The following CUL2 variants were observed in gnomAD, a reference collection of about 807,000 sequenced individuals.
The protein encoded by CUL2 is cullin-2.
CUL2 carries 22 observed loss-of-function variants against 110.2 expected under a neutral mutation model. The ratio of observed to expected loss-of-function variants is 0.20; its 90% CI spans 0.14 to 0.28. CUL2 has a LOEUF of 0.28. CUL2 is among the 10% of genes least tolerant of loss of function. The pLI, the probability that CUL2 is intolerant of heterozygous loss-of-function variation, is 1.00. For missense variants in CUL2, 631 were observed against 905.5 expected (o/e 0.70, Z 3.89); for synonymous variants, 279 against 293.2 (o/e 0.95, Z 0.49).
In CUL2 at chr10:35,029,603, C is replaced by T. The variant is rs750318468; in HGVS notation, c.1424G>A (p.Arg475Gln). 1.9e-6 allele frequency: 3 copies of T among 1,590,340 alleles called. No homozygotes were observed. Among genetic ancestry groups the T allele is most frequent in the South Asian group, 1.2e-5 (1 of 85,922 alleles). Residue 475 changes from arginine (R) to glutamine (Q), a missense_variant, in exon 15 of 21, where the codon CGG becomes CAG. Arg to Gln is a conservative substitution (Grantham distance 43, BLOSUM62 1). Transcript: ENST00000374749. ...GCTGACACTCATATCTGTATACATC[C>T]GATGTAGCTTGCTGGTAAACTCATA... Reference protein sequence around the residue: ...CGYEFTSKLHRMYTDMSVSAD... With the variant: ...CGYEFTSKLHQMYTDMSVSAD...
intron 2 of CUL2, among the ~76,000 whole-genome samples, chr10:35,098,768 T>TA (rs974345834): frequency 1.1e-4 from 16 of 150,932 alleles, no homozygotes; most frequent in South Asian, 2.1e-4. Flanking sequence ...CCATCTCTAC[T>TA]AAAAAAAACC....
chr10:35,051,058 G>A (rs1589002599), intron 5 of CUL2, among the ~76,000 whole-genome samples: 1 of 152,350 alleles, frequency 6.6e-6, no homozygotes, highest in Non-Finnish European at 1.5e-5. Context: ...GCTCACGCCT[G>A]TAATCCCAGC....
rs1010665094 is a variant in CUL2, at chr10:35,060,722, A to G, written c.317+152T>C. ...AATACCCACCTTACCCTGACTATAG[A>G]CCTTTCCCCACAGCAGAGAAAAGTC... On this transcript the variant is annotated intron_variant, in intron 4 of 20. Coordinates refer to ENST00000374749, the MANE Select transcript of CUL2 (RefSeq NM_003591.4). 6.3e-6 allele frequency: 4 copies of G among 630,730 alleles called. No homozygotes were observed. In the African/African-American group the frequency reaches 7.5e-5, roughly 12 times the overall value. 39.1% of individuals were successfully genotyped at this position (630,730 alleles called of 1,614,324 possible). A position where few individuals can be genotyped will look rare whatever the true frequency, so the allele number is the denominator to read the frequency against.
chr10:35,063,064 T>C lies in CUL2; in HGVS notation c.120-2A>G, dbSNP rs1369866388. 2 of 1,446,782 alleles carry C rather than the reference T, an allele frequency of 1.4e-6. No individual in the cohort carries two copies. The highest frequency in any genetic ancestry group is 1.4e-5 in the African/African-American group (1 of 70,902). 89.6% of individuals were successfully genotyped at this position (1,446,782 alleles called of 1,614,324 possible). On this transcript the variant is annotated splice_acceptor_variant, in intron 2 of 20. Transcript: ENST00000374749. LOFTEE classifies it high-confidence loss of function. ...GCCACACATAAAGCATAGATATCTC[T>C]AGTTAAATTATTAAGGTTTTCATAT...
chr10:35,042,469 A>T (rs1275555640), intron 8 of CUL2, among the ~76,000 whole-genome samples: 2 of 152,146 alleles, frequency 1.3e-5, no homozygotes, highest in Non-Finnish European at 2.9e-5. Context: ...GGTCTCAGGA[A>T]ACAGAATTTC....
At chr10:35,106,432 G>C (rs781024304) in intron 1 of CUL2, among the ~76,000 whole-genome samples, 2 of 151,564 alleles carry the variant, frequency 1.3e-5, no homozygotes, top group Non-Finnish European at 2.9e-5. Context: ...CCATTCTCCT[G>C]CCTCAGCGTC....
intron 1 of CUL2, among the ~76,000 whole-genome samples, chr10:35,102,458 G>C (rs757703473): frequency 4.0e-5 from 6 of 151,750 alleles, no homozygotes; most frequent in Non-Finnish European, 7.4e-5. Context: ...TGTAATTCCA[G>C]CTACTTGGGA....
chr10:35,092,437 G>A (rs2087225508), upstream of CUL2, among the ~76,000 whole-genome samples: 1 of 152,198 alleles, frequency 6.6e-6, no homozygotes, highest in African/African-American at 2.4e-5. Context: ...GAATATCCTG[G>A]ATGAAGCGGA....
chr10:35,081,048 TA>T (rs1046248027), intron 1 of CUL2, among the ~76,000 whole-genome samples: 2 of 151,006 alleles, frequency 1.3e-5, no homozygotes, highest in East Asian at 1.9e-4. Flanking sequence ...ACCTGGTCTT[TA>T]AAAAAAAATA....
intron 1 of CUL2, among the ~76,000 whole-genome samples, chr10:35,082,750 TA>T (rs2135047382): frequency 6.6e-6 from 1 of 152,300 alleles, no homozygotes; most frequent in South Asian, 2.1e-4. Context: ...TTTTATCAAA[TA>T]AAAGAGAAAT....
At chr10:35,124,756 T>C (rs2087719733) in intron 1 of CUL2, among the ~76,000 whole-genome samples, 1 of 152,096 alleles carries the variant, frequency 6.6e-6, no homozygotes, top group Admixed American at 6.5e-5. Context: ...TTGAGCAAGA[T>C]CTGATATGGG....
At chr10:35,104,975 C>A (rs375909482) in intron 1 of CUL2, among the ~76,000 whole-genome samples, 85 of 151,832 alleles carry the variant, frequency 5.6e-4, no homozygotes, top group Middle Eastern at 3.4e-3. Flanking sequence ...ATGATCCACC[C>A]GCCTGGGCCT....
intron 1 of CUL2, among the ~76,000 whole-genome samples, chr10:35,081,601 A>G (rs1180203357): frequency 6.6e-6 from 1 of 152,198 alleles, no homozygotes; most frequent in African/African-American, 2.4e-5. Context: ...AACATTGAGA[A>G]CAAATTTTTT....
rs774822085 is a variant in CUL2 at position 35,071,357 on chromosome 10, A to T, written c.-22-18T>A. ...GTTGAAATCTGTCAATTAAAAAACA[A>T]TAACAATGTTAGCAATAATTCCATG... On this transcript the variant is annotated intron_variant, in intron 1 of 20. Coordinates refer to ENST00000374749, the MANE Select transcript of CUL2 (RefSeq NM_003591.4). 8.2e-6 allele frequency: 13 copies of T among 1,592,132 alleles called. No individual in the cohort carries two copies. Among genetic ancestry groups the T allele is most frequent in the Non-Finnish European group, 1.1e-5 (13 of 1,164,184 alleles).
intron 1 of CUL2, among the ~76,000 whole-genome samples, chr10:35,074,890 C>T (rs1282241198): frequency 6.6e-6 from 1 of 152,196 alleles, no homozygotes; most frequent in Admixed American, 6.5e-5. Context: ...TAGAGTACTT[C>T]ATCGCTCTGA....
intron 17 of CUL2, among the ~76,000 whole-genome samples, chr10:35,022,829 G>A (rs1469653222): frequency 3.9e-5 from 6 of 152,172 alleles, no homozygotes; most frequent in Admixed American, 2.6e-4. Flanking sequence ...GGTGGATCAC[G>A]AGGTCAGGCG....
intron 18 of CUL2, among the ~76,000 whole-genome samples, chr10:35,014,292 C>G (rs769173554): frequency 6.6e-6 from 1 of 152,096 alleles, no homozygotes; most frequent in Non-Finnish European, 1.5e-5. Context: ...TTGCTGTGAC[C>G]TGGGGTGATG....
intron 1 of CUL2, among the ~76,000 whole-genome samples, chr10:35,124,182 T>C (rs753690645): frequency 2.0e-5 from 3 of 152,142 alleles, no homozygotes; most frequent in Non-Finnish European, 4.4e-5. Flanking sequence ...ACTCTGCCTC[T>C]AAGTAAATAC....
chr10:35,016,424 T>C (rs1008529058), intron 17 of CUL2, 30 bp from the exon 18 acceptor site: 27 of 1,479,766 alleles, frequency 1.8e-5, no homozygotes, highest in Non-Finnish European at 2.2e-5. Context: ...TGACAGTGAA[T>C]TGACCATTCA....
Sources: gnomAD v4.1 joint callset for allele counts (sites outside exome capture counted in the v4.1 genomes callset) on GRCh38, gnomAD v4.1.1 for gene constraint, MANE v1.5 for transcripts, NCBI Gene and HGNC (gene_info 2026-07-23, HGNC 2026-07-21) for gene names.